FGFRL1: variants seen among roughly 807,000 people sequenced by gnomAD.
The protein encoded by FGFRL1 is fibroblast growth factor receptor-like 1.
Under a neutral mutation model 36.8 loss-of-function variants are expected in FGFRL1, and 24 were observed. That is an observed-to-expected ratio of 0.65 (90% CI 0.47 to 0.92). FGFRL1 has a LOEUF of 0.92. FGFRL1 is among the 40% of genes least tolerant of loss of function. The pLI, the probability that FGFRL1 is intolerant of heterozygous loss-of-function variation, is 0.00. For missense variants in FGFRL1, 785 were observed against 753.4 expected (o/e 1.04, Z -0.49); for synonymous variants, 422 against 344.1 (o/e 1.23, Z -2.50).
chr4:1,018,174 T>G (rs531391813), intron 2 of FGFRL1, among the ~76,000 whole-genome samples: 3 of 152,128 alleles, frequency 2.0e-5, no homozygotes, highest in Non-Finnish European at 4.4e-5. Context: ...CTGCAGCTTC[T>G]TCCCCTCCAT....
chr4:1,018,940 G>A (rs1716033205), intron 2 of FGFRL1, among the ~76,000 whole-genome samples: 1 of 152,172 alleles, frequency 6.6e-6, no homozygotes, highest in Non-Finnish European at 1.5e-5. Flanking sequence ...GTTTGCTTTA[G>A]GATAAGCCTG....
At chr4:1,019,049 C>A (rs1716039330) in intron 2 of FGFRL1, among the ~76,000 whole-genome samples, 1 of 152,232 alleles carries the variant, frequency 6.6e-6, no homozygotes, top group Non-Finnish European at 1.5e-5. Context: ...TGTCTCTGCC[C>A]CCTTTCTCAG....
chr4:1,021,739 G>A (rs1716191159), intron 2 of FGFRL1, among the ~76,000 whole-genome samples: 1 of 152,112 alleles, frequency 6.6e-6, no homozygotes, highest in Admixed American at 6.5e-5. Context: ...GCCTCTTTGG[G>A]ACCCACCAGG....
chr4:1,022,102 G>A (rs1716212973), intron 2 of FGFRL1, 101 bp from the exon 3 acceptor site: 5 of 924,766 alleles, frequency 5.4e-6, no homozygotes, highest in African/African-American at 1.7e-5. Context: ...GTGGAGCTCA[G>A]GCCCGAGGTC....
At chr4:1,020,615 G>GT (rs1237224782) in intron 2 of FGFRL1, among the ~76,000 whole-genome samples, 1 of 145,836 alleles carries the variant, frequency 6.9e-6, no homozygotes, top group African/African-American at 2.6e-5. Context: ...CAGGGGATGG[G>GT]GTGGGGTGGG....
Position 1,012,515 on chromosome 4 carries a change from G to A in FGFRL1, c.30G>A (p.Leu10=). 2.6e-6 allele frequency: 4 copies of A among 1,550,708 alleles called. No homozygotes were observed. The highest frequency in any genetic ancestry group is 1.8e-5 in the Admixed American group (1 of 54,166). Reference sequence around the variant, plus strand: ...CGCCGAGCCCCCTGTTGCTGCTCCTGCTGCCGCCGCTGCTGCTGGGGGCCT... The same window carrying A: ...CGCCGAGCCCCCTGTTGCTGCTCCTACTGCCGCCGCTGCTGCTGGGGGCCT... MTPSPLLLL[L]LPPLLLGAFP... Residue 10 remains leucine (L), a synonymous_variant, in exon 2 of 7, where the codon CTG becomes CTA. Transcript: ENST00000510644.
Position 1,026,876 on chromosome 4 carries a change from T to C in FGFRL1, c.*1529T>C, listed in dbSNP as rs1194099284. 4.4e-6 allele frequency: 2 copies of C among 451,982 alleles called. No individual in the cohort carries two copies. Among genetic ancestry groups the C allele is most frequent in the Admixed American group, 2.4e-5 (1 of 41,688 alleles). 28.0% of individuals were successfully genotyped at this position (451,982 alleles called of 1,614,324 possible). ...TATATTTAATTTATTTTGTTAAACA[T>C]GAAAGTGCATCCTTTCCCTCCAGGC... On this transcript the variant is annotated 3_prime_UTR_variant, in exon 7 of 7. Coordinates refer to ENST00000510644, the MANE Select transcript of FGFRL1 (RefSeq NM_001004356.3).
chr4:1,012,322 C>G, intron 1 of FGFRL1, 148 bp from the exon 2 acceptor site: 2 of 788,292 alleles, frequency 2.5e-6, no homozygotes, highest in Non-Finnish European at 1.9e-6. Flanking sequence ...CCCACAGCTT[C>G]TCCCCGCTGC....
Position 1,020,357 on chromosome 4 carries a change from G to A in FGFRL1, c.80-1846G>A, listed in dbSNP as rs562128332. ...TGCCTGCGGCCGCCTCTCCGACATG[G>A]AGAGCAGTGAGTGGGCTGTGGTCGC... is the stretch of plus-strand genomic sequence containing the variant. On this transcript the variant is annotated intron_variant, in intron 2 of 6. Coordinates refer to ENST00000510644, the MANE Select transcript of FGFRL1 (RefSeq NM_001004356.3). Among the ~76,000 whole-genome samples, 10 of 152,200 alleles carry A rather than the reference G, an allele frequency of 6.6e-5. No individual in the cohort carries two copies. In the South Asian group the frequency reaches 1.7e-3, roughly 25 times the overall value.
In FGFRL1 at chr4:1,025,286, A is replaced by T. The variant is rs1434034079; in HGVS notation, c.1454A>T (p.His485Leu). ...GACATCCACACACACACACACACACACTCTCACACACACTCACACGTGGAG... is the reference window on the plus strand; with the variant it reads ...GACATCCACACACACACACACACACTCTCTCACACACACTCACACGTGGAG... ...YTDIHTHTHT[H>L]SHTHSHVEGK... Residue 485 changes from histidine to leucine, a missense_variant, in exon 7 of 7, where the codon CAC becomes CTC. Transcript: ENST00000510644. The T allele has an allele frequency of 1.3e-5, 21 of 1,575,472 alleles. No homozygotes were observed. The highest frequency in any genetic ancestry group is 7.3e-5 in the Admixed American group (4 of 54,646).
intron 2 of FGFRL1, 54 bp from the exon 3 acceptor site, chr4:1,022,149 C>T (rs543074325): frequency 7.8e-5 from 109 of 1,399,880 alleles, no homozygotes; most frequent in Middle Eastern, 2.6e-4. Context: ...ACCGCCCCCC[C>T]GGCTCCGGAC....
At chr4:1,013,693 C>T (rs1715734377) in intron 2 of FGFRL1, among the ~76,000 whole-genome samples, 1 of 152,288 alleles carries the variant, frequency 6.6e-6, no homozygotes, top group Admixed American at 6.5e-5. Context: ...CCTCCCCAAT[C>T]CCTACACCTG....
intron 2 of FGFRL1, among the ~76,000 whole-genome samples, chr4:1,016,902 G>A (rs1324680384): frequency 6.6e-6 from 1 of 152,142 alleles, no homozygotes; most frequent in African/African-American, 2.4e-5. Flanking sequence ...CACTGACTCT[G>A]GGGTTTCCCA....
chr4:1,012,327 C>G (rs1715633660), intron 1 of FGFRL1, 143 bp from the exon 2 acceptor site: 3 of 845,544 alleles, frequency 3.5e-6, no homozygotes, highest in Non-Finnish European at 5.3e-6. Flanking sequence ...AGCTTCTCCC[C>G]GCTGCGGCTT....
chr4:1,017,269 A>T (rs966305435), intron 2 of FGFRL1, among the ~76,000 whole-genome samples: 1 of 146,648 alleles, frequency 6.8e-6, no homozygotes, highest in Non-Finnish European at 1.5e-5. Flanking sequence ...TCCTCACTCC[A>T]CTCTGGCCTC....
intron 2 of FGFRL1, among the ~76,000 whole-genome samples, chr4:1,019,159 A>G (rs999574060): frequency 6.6e-6 from 1 of 152,140 alleles, no homozygotes; most frequent in Non-Finnish European, 1.5e-5. Context: ...CCTTGCTTGT[A>G]TCTGCCTGGG....
intron 2 of FGFRL1, 70 bp from the exon 3 acceptor site, chr4:1,022,133 C>T (rs1175374926): frequency 5.5e-6 from 7 of 1,264,302 alleles, no homozygotes; most frequent in African/African-American, 4.6e-5. Flanking sequence ...CGTGGGTCCC[C>T]TTTTGACCGC....
At chr4:1,015,591 C>T (rs530590968) in intron 2 of FGFRL1, among the ~76,000 whole-genome samples, 1 of 152,228 alleles carries the variant, frequency 6.6e-6, no homozygotes, top group Non-Finnish European at 1.5e-5. Flanking sequence ...GTCATTGCCC[C>T]TGTGTGGGGC....
At position 1,025,295 on chromosome 4, in the gene FGFRL1, C is replaced by G; in HGVS notation, c.1463C>G (p.Thr488Arg). 6.3e-7 allele frequency: 1 copy of G among 1,575,330 alleles called. No homozygotes were observed. Among genetic ancestry groups the G allele is most frequent in the Non-Finnish European group, 8.6e-7 (1 of 1,159,926 alleles). ...IHTHTHTHSH[T>R]HSHVEGKVHQ... ...ACACACACACACACACACTCTCACA[C>G]ACACTCACACGTGGAGGGCAAGGTC... Residue 488 changes from threonine (T) to arginine (R), a missense_variant, in exon 7 of 7, where the codon ACA becomes AGA. Transcript: ENST00000510644.
Sources: allele counts gnomAD v4.1 joint callset (sites outside exome capture counted in the v4.1 genomes callset), GRCh38; gene constraint gnomAD v4.1.1; transcripts MANE v1.5; gene names NCBI Gene and HGNC (gene_info 2026-07-23, HGNC 2026-07-21).